PITPNB: variants seen among roughly 807,000 people sequenced by gnomAD.
The protein encoded by PITPNB is phosphatidylinositol transfer protein beta, also known as phosphatidylinositol transfer protein beta isoform.
PITPNB carries 16 observed loss-of-function variants against 45.9 expected under a neutral mutation model. The ratio of observed to expected loss-of-function variants is 0.35; its 90% CI spans 0.24 to 0.53. The LOEUF is 0.53. PITPNB is among the 20% of genes least tolerant of loss of function. The pLI is 0.93. For missense variants in PITPNB, 188 were observed against 330.5 expected (o/e 0.57, Z 3.34); for synonymous variants, 112 against 108.9 (o/e 1.03, Z -0.18).
chr22:27,887,035 T>C (rs1465614839), intron 7 of PITPNB, among the ~76,000 whole-genome samples: 1 of 152,214 alleles, frequency 6.6e-6, no homozygotes, highest in Non-Finnish European at 1.5e-5. Flanking sequence ...AAGGTCTTCC[T>C]AATTTTCTTT....
chr22:27,875,307 C>T (rs1934789160), intron 7 of PITPNB, among the ~76,000 whole-genome samples: 1 of 152,240 alleles, frequency 6.6e-6, no homozygotes. Flanking sequence ...TAGCCACAGG[C>T]ATCAGCATTA....
intron 7 of PITPNB, among the ~76,000 whole-genome samples, chr22:27,881,253 A>G (rs1442998819): frequency 6.6e-6 from 1 of 152,170 alleles, no homozygotes; most frequent in African/African-American, 2.4e-5. Flanking sequence ...GCAAACAGAA[A>G]TTTCTTAAGC....
intron 6 of PITPNB, among the ~76,000 whole-genome samples, chr22:27,895,998 A>G (rs531007399): frequency 6.6e-6 from 1 of 152,390 alleles, no homozygotes; most frequent in East Asian, 1.9e-4. Context: ...GTTAATGATT[A>G]CATTTTTTTA....
At chr22:27,888,550 TATTCTC>T (rs1935188695) in intron 7 of PITPNB, among the ~76,000 whole-genome samples, 1 of 152,222 alleles carries the variant, frequency 6.6e-6, no homozygotes, top group Admixed American at 6.5e-5. Context: ...GTTTCATCAT[TATTCTC>T]AAGCTCATCA....
chr22:27,894,467 T>A (rs536749599), intron 7 of PITPNB, 88 bp downstream of exon 7: 3 of 754,112 alleles, frequency 4.0e-6, no homozygotes, highest in Non-Finnish European at 4.6e-6. Flanking sequence ...AAGGAAATAA[T>A]TTTTTTAACT....
At position 27,854,993 on chromosome 22, in the gene PITPNB, A is replaced by G. The variant is rs1372654948; in HGVS notation, c.769-54T>C. ...TGAAATCAGACTCTAAATAGGGGTTAGTAAGCAAGGGGAGAAAAAAGATCT... is the reference window on the plus strand; with the variant it reads ...TGAAATCAGACTCTAAATAGGGGTTGGTAAGCAAGGGGAGAAAAAAGATCT... On this transcript the variant is annotated intron_variant, in intron 10 of 11. Coordinates refer to ENST00000335272, the MANE Select transcript of PITPNB (RefSeq NM_012399.5). 4 of 1,235,010 alleles carry G rather than the reference A, an allele frequency of 3.2e-6. No homozygotes were observed. In the African/African-American group the frequency reaches 5.9e-5, roughly 18 times the overall value. The allele number at this position is 1,235,010 out of a possible 1,614,324, so 76.5% of individuals were successfully genotyped here. A position where few individuals can be genotyped will look rare whatever the true frequency, so the allele number is the denominator to read the frequency against.
chr22:27,888,251 T>C (rs1935180727), intron 7 of PITPNB, among the ~76,000 whole-genome samples: 1 of 152,218 alleles, frequency 6.6e-6, no homozygotes, highest in South Asian at 2.1e-4. Flanking sequence ...GCCACAATGA[T>C]TTTAATCAGT....
At chr22:27,901,520 T>C (rs957924586) in intron 3 of PITPNB, among the ~76,000 whole-genome samples, 9 of 152,150 alleles carry the variant, frequency 5.9e-5, no homozygotes, top group African/African-American at 1.9e-4. Context: ...TCAACTGAAA[T>C]ATCCCCTAAA....
intron 3 of PITPNB, among the ~76,000 whole-genome samples, chr22:27,903,084 G>A (rs2146413237): frequency 1.3e-5 from 2 of 152,092 alleles, no homozygotes; most frequent in Middle Eastern, 6.8e-3. Flanking sequence ...TCACAGAATG[G>A]GGGAAAAATC....
intron 3 of PITPNB, chr22:27,898,167 G>C (rs1446292799): frequency 2.8e-6 from 1 of 360,028 alleles, no homozygotes. Flanking sequence ...CTTGAGCCCA[G>C]GAGTTTGAGA....
chr22:27,870,818 C>T lies in PITPNB; in HGVS notation c.534+2920G>A, dbSNP rs547810804. On this transcript the variant is annotated intron_variant, in intron 8 of 11. Transcript: ENST00000335272. ...TGCCATATTATCAGCTATCTTCTTA[C>T]GCTTTATTTCCCTCCACAGCAGCAA... Among the ~76,000 whole-genome samples, 9 of 152,332 alleles carry T rather than the reference C, an allele frequency of 5.9e-5. No homozygotes were observed. In the South Asian group the frequency reaches 6.2e-4, roughly 11 times the overall value.
Position 27,911,010 on chromosome 22 carries a change from C to T in PITPNB, c.151G>A (p.Asp51Asn), listed in dbSNP as rs748858225. 9 of 1,612,276 alleles carry T rather than the reference C, an allele frequency of 5.6e-6. No homozygotes were observed. Among genetic ancestry groups the T allele is most frequent in the Non-Finnish European group, 7.6e-6 (9 of 1,178,384 alleles). The change falls in exon 3 of 12, where the codon GAT (aspartate) becomes AAT (asparagine). Residue 51 changes from aspartate to asparagine, a missense_variant. Asp to Asn is a conservative substitution (Grantham distance 23, BLOSUM62 1). Transcript: ENST00000335272. ...TGCGTATACTGTCCCTTTTCTCCAT[C>T]CTTCTCATAAGGTTCATTCTTTAAG... The part of the protein sequence containing the change: ...EVLKNEPYEK[D>N]GEKGQYTHKI...
chr22:27,906,178 T>G (rs891057592), intron 3 of PITPNB, among the ~76,000 whole-genome samples: 1 of 152,134 alleles, frequency 6.6e-6, no homozygotes, highest in Non-Finnish European at 1.5e-5. Context: ...AAGCAGGTTA[T>G]GAGAGGCCCC....
intron 8 of PITPNB, among the ~76,000 whole-genome samples, chr22:27,869,701 G>T (rs754711228): frequency 6.6e-6 from 1 of 152,158 alleles, no homozygotes; most frequent in Non-Finnish European, 1.5e-5. Context: ...AGAGACGAAA[G>T]ACAAAAGCAT....
At chr22:27,866,440 A>T (rs947349550) in intron 8 of PITPNB, among the ~76,000 whole-genome samples, 1 of 152,230 alleles carries the variant, frequency 6.6e-6, no homozygotes, top group Non-Finnish European at 1.5e-5. Flanking sequence ...AACAAAACAC[A>T]GTGTGTTTAA....
chr22:27,908,950 T>C (rs1007540458), intron 3 of PITPNB, among the ~76,000 whole-genome samples: 1 of 152,154 alleles, frequency 6.6e-6, no homozygotes, highest in Admixed American at 6.5e-5. Context: ...AGATTATGTG[T>C]CACTATAAAC....
intron 7 of PITPNB, among the ~76,000 whole-genome samples, chr22:27,891,757 C>A (rs1935286968): frequency 6.6e-6 from 1 of 152,146 alleles, no homozygotes; most frequent in South Asian, 2.1e-4. Context: ...CCAAGGCCTC[C>A]CCAGCCATGC....
chr22:27,882,624 G>C (rs1460862344), intron 7 of PITPNB, among the ~76,000 whole-genome samples: 1 of 152,206 alleles, frequency 6.6e-6, no homozygotes, highest in African/African-American at 2.4e-5. Context: ...ATAGTCCTTT[G>C]ACAAGCAATT....
Position 27,873,737 on chromosome 22 carries a change from C to T in PITPNB, c.534+1G>A. 4.4e-6 allele frequency: 7 copies of T among 1,591,104 alleles called. No individual in the cohort carries two copies. Among genetic ancestry groups the T allele is most frequent in the Non-Finnish European group, 5.2e-6 (6 of 1,159,094 alleles). On this transcript the variant is annotated splice_donor_variant, in intron 8 of 11. Coordinates refer to ENST00000335272, the MANE Select transcript of PITPNB (RefSeq NM_012399.5). LOFTEE classifies it high-confidence loss of function. Reference sequence around the variant, plus strand: ...CTGTCAGAAAGGTCAGCATCCAGTACCTTCCAGTTGGGTCCCAAAGGGCCT... The same window carrying T: ...CTGTCAGAAAGGTCAGCATCCAGTATCTTCCAGTTGGGTCCCAAAGGGCCT...
Sources: allele counts gnomAD v4.1 joint callset (sites outside exome capture counted in the v4.1 genomes callset), GRCh38; gene constraint gnomAD v4.1.1; transcripts MANE v1.5; gene names NCBI Gene and HGNC (gene_info 2026-07-23, HGNC 2026-07-21).